SLC5A1: variants seen among roughly 807,000 people sequenced by gnomAD.
The protein encoded by SLC5A1 is sodium/glucose cotransporter 1.
SLC5A1 carries 42 observed loss-of-function variants against 73.5 expected under a neutral mutation model. The ratio of observed to expected loss-of-function variants is 0.57; its 90% CI spans 0.45 to 0.74. SLC5A1 has a LOEUF of 0.74. Ranked by LOEUF, SLC5A1 falls within the 30% of genes least tolerant of loss-of-function variation. The pLI is 0.00. For missense variants in SLC5A1, 634 were observed against 855.4 expected (o/e 0.74, Z 3.23); for synonymous variants, 300 against 317.4 (o/e 0.95, Z 0.58).
At chr22:32,094,353 A>G (rs754711161) in intron 11 of SLC5A1, among the ~76,000 whole-genome samples, 3 of 152,156 alleles carry the variant, frequency 2.0e-5, no homozygotes, top group Non-Finnish European at 2.9e-5. Flanking sequence ...TACTGGCTTC[A>G]TAGAATGATT....
chr22:32,072,175 A>G (rs2093983832), intron 5 of SLC5A1, among the ~76,000 whole-genome samples: 1 of 152,184 alleles, frequency 6.6e-6, no homozygotes, highest in Admixed American at 6.5e-5. Context: ...GGTAATAAGC[A>G]TAATACCTGA....
chr22:32,091,761 A>G lies in SLC5A1; in HGVS notation c.1279A>G (p.Arg427Gly). The change falls in exon 11 of 15, where the codon AGG becomes GGG. Residue 427 changes from arginine (R) to glycine (G), a missense_variant and splice_region_variant. Arg to Gly is a moderately radical substitution (Grantham distance 125). This residue lies in a region of SLC5A1 where 422 missense variants were observed against 626.1 expected (regional missense o/e 0.67). Coordinates refer to ENST00000266088, the MANE Select transcript of SLC5A1 (RefSeq NM_000343.4). ...ASEKELMIAGRLFILVLIGIS... is the reference protein window; with the variant it reads ...ASEKELMIAGGLFILVLIGIS... ...TGAGAAAGAGCTCATGATTGCCGGA[A>G]GGTAAATGCAGCTTCCCCCAAGCCA... 1.2e-6 allele frequency: 2 copies of G among 1,613,894 alleles called. No homozygotes were observed. Among genetic ancestry groups the G allele is most frequent in the Non-Finnish European group, 1.7e-6 (2 of 1,179,908 alleles).
intron 2 of SLC5A1, among the ~76,000 whole-genome samples, chr22:32,063,588 T>G (rs914155804): frequency 1.3e-5 from 2 of 152,172 alleles, no homozygotes; most frequent in African/African-American, 4.8e-5. Flanking sequence ...CAGGCCCTTT[T>G]GGGTGTCCAG....
At chr22:32,074,691 T>C (rs1967758889) in intron 5 of SLC5A1, among the ~76,000 whole-genome samples, 1 of 152,164 alleles carries the variant, frequency 6.6e-6, no homozygotes, top group South Asian at 2.1e-4. Flanking sequence ...TGAAGGAGGC[T>C]GAATCATGAT....
rs1476882690 is a variant in SLC5A1, at chr22:32,086,311, G to A, written c.1113G>A (p.Val371=). Residue 371 remains valine, a synonymous_variant, in exon 10 of 15, where the codon GTG becomes GTA. Transcript: ENST00000266088. The part of the protein sequence containing the change: ...CTNIAYPTLV[V]ELMPNGLRGL... ...ACATCGCCTATCCAACCTTAGTGGT[G>A]GAGCTCATGCCCAATGGTGAGATTC... 4 of 1,610,752 alleles carry A rather than the reference G, an allele frequency of 2.5e-6. No individual in the cohort carries two copies. The highest frequency in any genetic ancestry group is 3.3e-5 in the Admixed American group (2 of 60,010).
At chr22:32,058,182 T>A (rs2093954754) in intron 2 of SLC5A1, among the ~76,000 whole-genome samples, 1 of 152,170 alleles carries the variant, frequency 6.6e-6, no homozygotes, top group East Asian at 1.9e-4. Context: ...TATCTCCTCA[T>A]GTCATAACGA....
Position 32,081,463 on chromosome 22 carries a change from G to C in SLC5A1, c.478-403G>C, listed in dbSNP as rs185735074. On this transcript the variant is annotated intron_variant, in intron 5 of 14. Transcript: ENST00000266088. ...CACTCAGACTTGCTTTTGGGGACGA[G>C]CTCTGATAAACCTGTGTACACTGAG... 2.5e-3 allele frequency among the ~76,000 whole-genome samples: 383 copies of C among 152,268 alleles called. 3 individuals are homozygous for C. Among genetic ancestry groups the C allele is most frequent in the African/African-American group, 8.5e-3 (353 of 41,540 alleles).
intron 5 of SLC5A1, among the ~76,000 whole-genome samples, chr22:32,072,623 A>C (rs1471770310): frequency 3.9e-5 from 6 of 152,258 alleles, no homozygotes; most frequent in African/African-American, 1.2e-4. Context: ...CATATCTAAC[A>C]AAATTTACAG....
In SLC5A1 at chr22:32,112,566, G is replaced by A. The variant is rs1156354835; in HGVS notation, c.*2353G>A. On this transcript the variant is annotated 3_prime_UTR_variant, in exon 15 of 15. Transcript: ENST00000266088. ...CTTTGAGAACCAGTGTGGGTGGGGA[G>A]TTGTGCATATAAACTATTTAATGAG... The A allele has an allele frequency of 6.6e-6, 1 of 152,232 alleles. No homozygotes were observed. The highest frequency in any genetic ancestry group is 1.5e-5 in the Non-Finnish European group (1 of 68,046). 9.4% of individuals were successfully genotyped at this position (152,232 alleles called of 1,614,324 possible). A position where few individuals can be genotyped will look rare whatever the true frequency, so the allele number is the denominator to read the frequency against.
chr22:32,064,274 T>C (rs962848013), intron 2 of SLC5A1, among the ~76,000 whole-genome samples: 1 of 151,932 alleles, frequency 6.6e-6, no homozygotes, highest in Non-Finnish European at 1.5e-5. Flanking sequence ...GGCGGATGGA[T>C]TGCTTGAGAC....
intron 13 of SLC5A1, 105 bp downstream of exon 13, chr22:32,102,342 T>C: frequency 1.2e-6 from 1 of 820,326 alleles, no homozygotes; most frequent in Non-Finnish European, 2.1e-6. Flanking sequence ...TAGTTGTATA[T>C]AATTATGGGG....
chr22:32,093,735 AT>A (rs1480324998), intron 11 of SLC5A1, among the ~76,000 whole-genome samples: 2 of 152,118 alleles, frequency 1.3e-5, no homozygotes, highest in Non-Finnish European at 2.9e-5. Flanking sequence ...TTCTACAAGC[AT>A]TTTGGAGGAG....
intron 5 of SLC5A1, among the ~76,000 whole-genome samples, chr22:32,076,055 A>G (rs1218225716): frequency 6.6e-6 from 1 of 152,106 alleles, no homozygotes; most frequent in Admixed American, 6.6e-5. Context: ...GGGTGAGAAG[A>G]GAGGAGGGTT....
intron 14 of SLC5A1, among the ~76,000 whole-genome samples, chr22:32,106,478 T>G (rs965057801): frequency 6.6e-5 from 10 of 152,280 alleles, no homozygotes; most frequent in African/African-American, 2.4e-4. Flanking sequence ...CTGCCTTGAT[T>G]TGAGGAATGG....
At chr22:32,072,421 T>TA (rs1171557239) in intron 5 of SLC5A1, among the ~76,000 whole-genome samples, 2 of 152,196 alleles carry the variant, frequency 1.3e-5, no homozygotes, top group Non-Finnish European at 2.9e-5. Context: ...TGCATAGTAT[T>TA]ACGGTGTATA....
intron 2 of SLC5A1, among the ~76,000 whole-genome samples, chr22:32,060,005 C>T (rs1380165101): frequency 1.4e-5 from 2 of 143,894 alleles, no homozygotes; most frequent in Non-Finnish European, 3.0e-5. Flanking sequence ...AGCACAGGGG[C>T]CATGGTTATA....
intron 12 of SLC5A1, among the ~76,000 whole-genome samples, chr22:32,101,047 G>A (rs1214775887): frequency 1.3e-5 from 2 of 152,110 alleles, no homozygotes; most frequent in Non-Finnish European, 2.9e-5. Context: ...GAAGAGAAGA[G>A]CCTGTATTCT....
intron 14 of SLC5A1, among the ~76,000 whole-genome samples, chr22:32,108,334 C>T (rs997724871): frequency 1.3e-5 from 2 of 152,148 alleles, no homozygotes; most frequent in Non-Finnish European, 2.9e-5. Flanking sequence ...ATCTCCTGAC[C>T]TCGTGATCCA....
At chr22:32,089,129 A>G (rs893151060) in intron 10 of SLC5A1, among the ~76,000 whole-genome samples, 4 of 152,254 alleles carry the variant, frequency 2.6e-5, no homozygotes, top group African/African-American at 9.6e-5. Context: ...GTAATCCTGA[A>G]CGAATGGCAG....
Sources: allele counts gnomAD v4.1 joint callset (sites outside exome capture counted in the v4.1 genomes callset), GRCh38; gene constraint gnomAD v4.1.1; regional missense constraint gnomAD v4.1.1; transcripts MANE v1.5; gene names NCBI Gene and HGNC (gene_info 2026-07-23, HGNC 2026-07-21).